The following CCDC60 variants were observed in gnomAD, a reference collection of about 807,000 sequenced individuals.
The protein encoded by CCDC60 is coiled-coil domain containing 60.
A neutral mutation model predicts 63.5 loss-of-function variants in CCDC60; 54 were observed. That is an observed-to-expected ratio of 0.85 (90% confidence interval 0.68 to 1.07). The LOEUF is 1.07. CCDC60 is among the 50% of genes least tolerant of loss of function. The pLI is 0.00. For missense variants in CCDC60, 651 were observed against 684.3 expected, an observed-to-expected ratio of 0.95 and a Z score of 0.54; for synonymous variants, 206 against 238.8, an observed-to-expected ratio of 0.86 and a Z score of 1.27.
chr12:119,368,438 G>A (rs1367446945), intron 1 of CCDC60, among the ~76,000 whole-genome samples: 1 of 152,118 alleles, frequency 6.6e-6, no homozygotes, highest in African/African-American at 2.4e-5. Flanking sequence ...CACCGGACCC[G>A]CCATTAACTC....
At chr12:119,414,618 A>G (rs926982576) in intron 1 of CCDC60, among the ~76,000 whole-genome samples, 4 of 152,052 alleles carry the variant, frequency 2.6e-5, no homozygotes, top group Non-Finnish European at 4.4e-5. Flanking sequence ...TGGTGCAATC[A>G]TAGCTCACCA....
chr12:119,338,111 T>G (rs1358549964), intron 1 of CCDC60, among the ~76,000 whole-genome samples: 1 of 152,104 alleles, frequency 6.6e-6, no homozygotes. Flanking sequence ...CGCACCCCTC[T>G]CTACTTTCTA....
chr12:119,380,748 C>T (rs1182756507), intron 1 of CCDC60, among the ~76,000 whole-genome samples: 1 of 152,190 alleles, frequency 6.6e-6, no homozygotes, highest in Admixed American at 6.5e-5. Flanking sequence ...GGACTTGTTG[C>T]TCTTCCTTTT....
intron 4 of CCDC60, among the ~76,000 whole-genome samples, chr12:119,482,478 G>C (rs1951349971): frequency 6.6e-6 from 1 of 152,166 alleles, no homozygotes; most frequent in Admixed American, 6.5e-5. Context: ...TAACTTTGCT[G>C]TTGCAGCATG....
At position 119,500,057 on chromosome 12, in the gene CCDC60, A is replaced by C. The variant is rs573012137; in HGVS notation, c.558-21A>C. On this transcript the variant is annotated intron_variant, in intron 5 of 13. Transcript: ENST00000327554. Reference sequence around the variant, plus strand: ...CCAAGACTCTGGAAACGGAAAACTCATTAAGCTGTTTCTCACTCAGGGACC... The same window carrying C: ...CCAAGACTCTGGAAACGGAAAACTCCTTAAGCTGTTTCTCACTCAGGGACC... The C allele has an allele frequency of 3.9e-6, 6 of 1,542,766 alleles. No individual in the cohort carries two copies. The South Asian group carries it at 6.7e-5, about 17-fold the overall frequency.
intron 2 of CCDC60, among the ~76,000 whole-genome samples, chr12:119,451,205 A>C (rs1950628613): frequency 6.6e-6 from 1 of 152,238 alleles, no homozygotes; most frequent in Non-Finnish European, 1.5e-5. Context: ...GTACATCTGC[A>C]CCTTTAGGGA....
intron 7 of CCDC60, among the ~76,000 whole-genome samples, chr12:119,506,517 G>T (rs961244148): frequency 5.9e-5 from 9 of 151,980 alleles, no homozygotes; most frequent in African/African-American, 2.2e-4. Context: ...GGAGGCTGAG[G>T]TGGGAGGATC....
At chr12:119,461,621 A>G (rs1246006582) in intron 2 of CCDC60, among the ~76,000 whole-genome samples, 5 of 152,214 alleles carry the variant, frequency 3.3e-5, no homozygotes, top group African/African-American at 1.2e-4. Flanking sequence ...ATTGTATTGC[A>G]TAGAGAAAAC....
chr12:119,417,523 A>G (rs1746844712), intron 1 of CCDC60, among the ~76,000 whole-genome samples: 1 of 152,024 alleles, frequency 6.6e-6, no homozygotes, highest in African/African-American at 2.4e-5. Flanking sequence ...CAGAGCACCC[A>G]ATTTCCTTTT....
chr12:119,499,145 T>G (rs1230470967), intron 5 of CCDC60, among the ~76,000 whole-genome samples: 1 of 152,224 alleles, frequency 6.6e-6, no homozygotes, highest in Non-Finnish European at 1.5e-5. Flanking sequence ...GCATGTTTCC[T>G]TTCCAAAATG....
At chr12:119,461,605 G>A (rs1046401700) in intron 2 of CCDC60, among the ~76,000 whole-genome samples, 1 of 152,188 alleles carries the variant, frequency 6.6e-6, no homozygotes, top group African/African-American at 2.4e-5. Flanking sequence ...CACTGGTTGA[G>A]AAGAAATTGT....
chr12:119,340,193 T>A (rs1311354045), intron 1 of CCDC60, among the ~76,000 whole-genome samples: 2 of 152,184 alleles, frequency 1.3e-5, no homozygotes, highest in East Asian at 3.8e-4. Flanking sequence ...AAGGTGCATC[T>A]TAGGATAGAT....
At chr12:119,492,551 G>A (rs556149824) in intron 5 of CCDC60, among the ~76,000 whole-genome samples, 7 of 152,270 alleles carry the variant, frequency 4.6e-5, no homozygotes, top group African/African-American at 7.2e-5. Flanking sequence ...TATTTATGAC[G>A]TTTCACCCTT....
intron 6 of CCDC60, 138 bp from the exon 7 acceptor site, chr12:119,504,931 C>T: frequency 3.3e-6 from 2 of 615,068 alleles, no homozygotes; most frequent in South Asian, 4.1e-5. Context: ...TGGAAAGAGC[C>T]AGAAGGAATT....
chr12:119,517,695 C>T (rs181433452), intron 8 of CCDC60, among the ~76,000 whole-genome samples: 72 of 152,186 alleles, frequency 4.7e-4, no homozygotes, highest in Non-Finnish European at 9.4e-4. Flanking sequence ...TGAAATGCAG[C>T]CAAAAAGGGA....
intron 5 of CCDC60, among the ~76,000 whole-genome samples, chr12:119,493,017 A>G (rs1372033490): frequency 6.6e-6 from 1 of 151,678 alleles, no homozygotes; most frequent in Non-Finnish European, 1.5e-5. Flanking sequence ...CAGGGAAAAA[A>G]GGCTACAGAA....
intron 1 of CCDC60, among the ~76,000 whole-genome samples, chr12:119,415,392 T>C (rs1247998215): frequency 6.6e-6 from 1 of 152,172 alleles, no homozygotes; most frequent in Non-Finnish European, 1.5e-5. Flanking sequence ...GGCTAGACCA[T>C]AGAGATCAGG....
At chr12:119,407,457 G>A (rs1382946201) in intron 1 of CCDC60, among the ~76,000 whole-genome samples, 4 of 152,254 alleles carry the variant, frequency 2.6e-5, no homozygotes, top group Non-Finnish European at 2.9e-5. Context: ...ACTTGAGCCC[G>A]AGAGTTCGAG....
intron 6 of CCDC60, 48 bp downstream of exon 6, chr12:119,500,216 T>A: frequency 1.6e-6 from 2 of 1,260,440 alleles, no homozygotes; most frequent in Non-Finnish European, 2.3e-6. Flanking sequence ...GGTCCCAGCT[T>A]GTGTTGAGGA....
Sources: allele counts gnomAD v4.1 joint callset (sites outside exome capture counted in the v4.1 genomes callset), GRCh38; gene constraint gnomAD v4.1.1; transcripts MANE v1.5; gene names NCBI Gene and HGNC (gene_info 2026-07-23, HGNC 2026-07-21).